Variants in MACROD2 observed in about 807,000 individuals in gnomAD.
The protein encoded by MACROD2 is ADP-ribose glycohydrolase MACROD2.
MACROD2 carries 36 observed loss-of-function variants against 70.4 expected under a neutral mutation model. The ratio of observed to expected loss-of-function variants is 0.51; its 90% CI spans 0.39 to 0.68. The LOEUF is 0.68. Ranked by LOEUF, MACROD2 falls within the 30% of genes least tolerant of loss-of-function variation. MACROD2 has a pLI of 0.00. For missense variants in MACROD2, 496 were observed against 538.4 expected, an observed-to-expected ratio of 0.92 and a Z score of 0.78; for synonymous variants, 172 against 178.8, an observed-to-expected ratio of 0.96 and a Z score of 0.30.
chr20:15,985,651 C>T (rs1378517851), intron 13 of MACROD2: 2 of 152,502 alleles, frequency 1.3e-5, no homozygotes, highest in Non-Finnish European at 2.9e-5. Context: ...TGGATCCTGT[C>T]ACTCAGGCTG....
chr20:14,074,656 C>T (rs2053894095), intron 2 of MACROD2, among the ~76,000 whole-genome samples: 1 of 152,102 alleles, frequency 6.6e-6, no homozygotes, highest in Admixed American at 6.5e-5. Context: ...TTTCTCCTGG[C>T]ACTCTGTGAG....
chr20:15,143,044 G>A (rs2076204152), intron 5 of MACROD2, among the ~76,000 whole-genome samples: 1 of 141,188 alleles, frequency 7.1e-6, no homozygotes, highest in South Asian at 2.3e-4. Context: ...GGATGGCTGG[G>A]TCAAATGGTA....
chr20:15,500,262 C>T (rs1366549823), intron 8 of MACROD2, among the ~76,000 whole-genome samples: 2 of 152,134 alleles, frequency 1.3e-5, no homozygotes, highest in Admixed American at 1.3e-4. Context: ...GGATTTATAA[C>T]TAATCACTTC....
At position 15,843,021 on chromosome 20, in the gene MACROD2, T is replaced by C. The variant is rs1328759013; in HGVS notation, c.646-19724T>C. On this transcript the variant is annotated intron_variant, in intron 8 of 17. Transcript: ENST00000684519. ...GAGACAGGAAACAGTAGACTAGATT[T>C]CAGTCACGACCCTTTTCCTCACCAC... Among the ~76,000 whole-genome samples the C allele has an allele frequency of 2.0e-5, 3 of 152,150 alleles. No individual in the cohort carries two copies. The East Asian group carries it at 5.8e-4, about 29-fold the overall frequency.
chr20:15,463,205 G>T (rs2146418618), intron 7 of MACROD2, among the ~76,000 whole-genome samples: 1 of 152,266 alleles, frequency 6.6e-6, no homozygotes, highest in African/African-American at 2.4e-5. Flanking sequence ...ATGTGTCAAT[G>T]CCAACAGGAG....
At chr20:15,695,789 AT>A (rs34511421) in intron 8 of MACROD2, among the ~76,000 whole-genome samples, 21 of 150,030 alleles carry the variant, frequency 1.4e-4, no homozygotes, top group Non-Finnish European at 2.2e-4. Flanking sequence ...ATTCCTGCGT[AT>A]TTTTTTTTCA....
intron 4 of MACROD2, among the ~76,000 whole-genome samples, chr20:14,644,043 G>A (rs766271458): frequency 3.3e-5 from 5 of 152,170 alleles, no homozygotes; most frequent in Non-Finnish European, 7.3e-5. Context: ...TTGCATATAA[G>A]TGGGAAATAA....
chr20:15,905,431 GTGTTTAACAATT>G (rs1373656562), intron 10 of MACROD2, among the ~76,000 whole-genome samples: 1 of 152,196 alleles, frequency 6.6e-6, no homozygotes, highest in Non-Finnish European at 1.5e-5. Context: ...TTTAGACTAT[GTGTTTAACAATT>G]TGTCTATTTT....
intron 8 of MACROD2, among the ~76,000 whole-genome samples, chr20:15,706,205 T>C (rs1448978143): frequency 6.6e-6 from 1 of 152,198 alleles, no homozygotes; most frequent in African/African-American, 2.4e-5. Context: ...CTTGCTGGAG[T>C]TGCTAGAACC....
At chr20:14,084,806 A>T (rs2054056047) in intron 2 of MACROD2, among the ~76,000 whole-genome samples, 1 of 151,860 alleles carries the variant, frequency 6.6e-6, no homozygotes, top group South Asian at 2.1e-4. Flanking sequence ...TCCTATCCGG[A>T]GTAATAGTTT....
intron 3 of MACROD2, among the ~76,000 whole-genome samples, chr20:14,380,336 G>T (rs552907886): frequency 3.9e-5 from 6 of 152,126 alleles, no homozygotes; most frequent in Admixed American, 1.3e-4. Context: ...TATATGATTT[G>T]TAAACATTTT....
rs571309866 is a variant in MACROD2 at position 14,415,005 on chromosome 20, T to C, written c.272-78474T>C. 1.5e-4 allele frequency among the ~76,000 whole-genome samples: 23 copies of C among 152,326 alleles called. No individual in the cohort carries two copies. In the Middle Eastern group the frequency reaches 0.01, roughly 68 times the overall value. On this transcript the variant is annotated intron_variant, in intron 3 of 17. Transcript: ENST00000684519. ...TATAAATGTATATGTATTTCAATTG[T>C]TTATTACCTGTCTCTTTCTACTAGG...
At chr20:14,630,333 A>T (rs776238263) in intron 4 of MACROD2, among the ~76,000 whole-genome samples, 7 of 152,226 alleles carry the variant, frequency 4.6e-5, no homozygotes, top group Non-Finnish European at 8.8e-5. Context: ...GATTTCTATA[A>T]CTTAGGCTGT....
rs1489297692 is a variant in MACROD2, at chr20:15,026,831, A to G, written c.419-203109A>G. Among the ~76,000 whole-genome samples, 6 of 152,316 alleles carry G rather than the reference A, an allele frequency of 3.9e-5. No individual in the cohort carries two copies. The East Asian group carries it at 1.2e-3, about 29-fold the overall frequency. ...AGCTCATCAGCTTGCTAGGGCACTC[A>G]GTCTGGAGGCAGTCTGGCCTACACA... On this transcript the variant is annotated intron_variant, in intron 5 of 17. Transcript: ENST00000684519.
chr20:14,344,945 G>A (rs1463566757), intron 3 of MACROD2, among the ~76,000 whole-genome samples: 2 of 152,136 alleles, frequency 1.3e-5, no homozygotes, highest in African/African-American at 2.4e-5. Context: ...AAGTGCTCAC[G>A]TGTAATCCTG....
chr20:14,510,671 C>T (rs2085019658), intron 4 of MACROD2, among the ~76,000 whole-genome samples: 1 of 152,160 alleles, frequency 6.6e-6, no homozygotes, highest in East Asian at 1.9e-4. Flanking sequence ...AATGGAATAA[C>T]CCTTTTATCT....
In MACROD2 at chr20:15,347,582, C is replaced by T. The variant is rs570172037; in HGVS notation, c.541-83823C>T. The stretch of plus-strand genomic sequence containing the variant: ...CATTTCCTTTTAAGACATGATCACT[C>T]CACTTAAAATTGTAAGCCATTCCTT... On this transcript the variant is annotated intron_variant, in intron 6 of 17. Coordinates refer to ENST00000684519, the MANE Select transcript of MACROD2 (RefSeq NM_001351661.2). Among the ~76,000 whole-genome samples the T allele has an allele frequency of 1.6e-4, 25 of 152,310 alleles. 1 individual carries two copies. In the South Asian group the frequency reaches 4.6e-3, roughly 28 times the overall value.
chr20:14,382,384 C>T (rs111397339), intron 3 of MACROD2, among the ~76,000 whole-genome samples: 24,281 of 151,432 alleles, frequency 0.16, 2,581 homozygotes, highest in Non-Finnish European at 0.23. Flanking sequence ...AAAGGTTAAT[C>T]TGGGCCAGGC....
chr20:14,030,748 T>TTCCC (rs2053236779), intron 2 of MACROD2, among the ~76,000 whole-genome samples: 3 of 152,208 alleles, frequency 2.0e-5, no homozygotes, highest in African/African-American at 7.2e-5. Flanking sequence ...CTCACCTTCC[T>TTCCC]TCCCTCCCTC....
Sources: gnomAD v4.1 joint callset for allele counts (sites outside exome capture counted in the v4.1 genomes callset) on GRCh38, gnomAD v4.1.1 for gene constraint, MANE v1.5 for transcripts, NCBI Gene and HGNC (gene_info 2026-07-23, HGNC 2026-07-21) for gene names.